LRRC4C: variants seen among roughly 807,000 people sequenced by gnomAD.
LRRC4C encodes the protein leucine-rich repeat-containing protein 4C.
A neutral mutation model predicts 33.6 loss-of-function variants in LRRC4C; 5 were observed. That is an observed-to-expected ratio of 0.15 (90% CI 0.08 to 0.31). LRRC4C has a LOEUF of 0.31. Among genes scored for constraint, LRRC4C ranks in the 10% least tolerant of loss-of-function variants. The pLI is 1.00. For synonymous variants in LRRC4C, 329 were observed against 302.0 expected (o/e 1.09, Z -0.93); for missense variants, 560 against 796.7 (o/e 0.70, Z 3.58).
At chr11:40,219,323 G>C (rs1864231179) in intron 5 of LRRC4C, among the ~76,000 whole-genome samples, 1 of 152,164 alleles carries the variant, frequency 6.6e-6, no homozygotes, top group Non-Finnish European at 1.5e-5. Flanking sequence ...GGACAGTGCT[G>C]TTCTTGACAC....
chr11:41,068,613 T>C, intron 1 of LRRC4C, among the ~76,000 whole-genome samples: 1 of 151,778 alleles, frequency 6.6e-6, no homozygotes, highest in South Asian at 2.1e-4. Context: ...AACTAGAAAA[T>C]CTAAAAGAAA....
intron 1 of LRRC4C, among the ~76,000 whole-genome samples, chr11:41,062,295 C>T (rs190246908): frequency 9.6e-4 from 146 of 152,248 alleles, no homozygotes; most frequent in African/African-American, 3.4e-3. Context: ...CACCTATATG[C>T]AACCATGCAT....
chr11:41,374,664 T>C (rs573187572), intron 1 of LRRC4C, among the ~76,000 whole-genome samples: 5 of 152,216 alleles, frequency 3.3e-5, no homozygotes, highest in Admixed American at 1.3e-4. Flanking sequence ...GTAAAATACC[T>C]TAAGGAGATA....
intron 3 of LRRC4C, among the ~76,000 whole-genome samples, chr11:40,641,910 G>T (rs1405499678): frequency 6.6e-6 from 1 of 152,094 alleles, no homozygotes; most frequent in Non-Finnish European, 1.5e-5. Context: ...CAGTTTCATA[G>T]ACTTTATCAT....
At chr11:41,296,145 A>T (rs1380808234) in intron 1 of LRRC4C, among the ~76,000 whole-genome samples, 7 of 152,326 alleles carry the variant, frequency 4.6e-5, no homozygotes, top group Non-Finnish European at 1.0e-4. Context: ...AAGATTTTTT[A>T]AAAATTGTGA....
intron 3 of LRRC4C, among the ~76,000 whole-genome samples, chr11:40,557,283 G>T (rs17487242): frequency 0.092 from 14,002 of 152,006 alleles, 781 homozygotes; most frequent in Middle Eastern, 0.15. Flanking sequence ...AAGTAGATCT[G>T]GTTATGAACC....
intron 4 of LRRC4C, among the ~76,000 whole-genome samples, chr11:40,270,789 C>T (rs895470445): frequency 5.3e-5 from 8 of 152,148 alleles, no homozygotes; most frequent in African/African-American, 1.7e-4. Flanking sequence ...AAAACTTCTG[C>T]TACCACAGCA....
intron 1 of LRRC4C, among the ~76,000 whole-genome samples, chr11:41,011,156 T>A (rs1289569239): frequency 6.6e-6 from 1 of 152,182 alleles, no homozygotes; most frequent in Non-Finnish European, 1.5e-5. Flanking sequence ...GTAAACTATA[T>A]AACATGATAT....
intron 3 of LRRC4C, among the ~76,000 whole-genome samples, chr11:40,561,376 C>T (rs1005218826): frequency 1.4e-5 from 2 of 147,626 alleles, no homozygotes; most frequent in African/African-American, 2.5e-5. Flanking sequence ...TGCTCACTAG[C>T]GGATCATCTT....
intron 2 of LRRC4C, among the ~76,000 whole-genome samples, chr11:40,705,995 A>G (rs765000460): frequency 1.4e-4 from 21 of 152,112 alleles, no homozygotes; most frequent in Non-Finnish European, 2.9e-4. Context: ...TTGGCTGCAT[A>G]AATGTCTTAT....
chr11:41,305,095 A>G (rs1275633137), intron 1 of LRRC4C, among the ~76,000 whole-genome samples: 2 of 13,112 alleles, frequency 1.5e-4, no homozygotes, highest in African/African-American at 5.6e-4. Flanking sequence ...TCCGGGAGGG[A>G]GGTGGGGGGG....
intron 3 of LRRC4C, among the ~76,000 whole-genome samples, chr11:40,582,653 A>C (rs1053842901): frequency 6.6e-6 from 1 of 151,242 alleles, no homozygotes; most frequent in Non-Finnish European, 1.5e-5. Context: ...AGGAGCTGGG[A>C]TTACAGGTAC....
intron 1 of LRRC4C, among the ~76,000 whole-genome samples, chr11:41,147,924 A>G (rs1379349509): frequency 1.3e-5 from 2 of 152,144 alleles, no homozygotes; most frequent in African/African-American, 4.8e-5. Context: ...CCCTGTCTTT[A>G]GAAAAATAAA....
intron 1 of LRRC4C, among the ~76,000 whole-genome samples, chr11:41,029,861 A>G (rs1856604709): frequency 6.6e-6 from 1 of 151,868 alleles, no homozygotes; most frequent in South Asian, 2.1e-4. Context: ...GTAAGTGTGG[A>G]AAAGATGGTC....
intron 2 of LRRC4C, among the ~76,000 whole-genome samples, chr11:40,902,667 C>T (rs1359266378): frequency 6.6e-6 from 1 of 152,084 alleles, no homozygotes; most frequent in African/African-American, 2.4e-5. Flanking sequence ...ACCATGAATG[C>T]TAATAAAATG....
intron 2 of LRRC4C, among the ~76,000 whole-genome samples, chr11:40,752,809 T>C (rs1948758585): frequency 6.6e-6 from 1 of 152,080 alleles, no homozygotes; most frequent in Admixed American, 6.6e-5. Flanking sequence ...TGTTAAAGAA[T>C]ACCTGCACTT....
chr11:41,054,118 T>A (rs988957337), intron 1 of LRRC4C, among the ~76,000 whole-genome samples: 5 of 152,212 alleles, frequency 3.3e-5, no homozygotes, highest in Non-Finnish European at 5.9e-5. Flanking sequence ...TAAATCAAAC[T>A]GTGTCTTATG....
chr11:40,681,198 A>G (rs1237522431), intron 2 of LRRC4C, among the ~76,000 whole-genome samples: 1 of 152,226 alleles, frequency 6.6e-6, no homozygotes, highest in Non-Finnish European at 1.5e-5. Context: ...GCACTGATGA[A>G]CCAAAATAGA....
At chr11:40,449,105 T>A (rs538420127) in intron 3 of LRRC4C, among the ~76,000 whole-genome samples, 2 of 152,302 alleles carry the variant, frequency 1.3e-5, no homozygotes, top group South Asian at 4.1e-4. Context: ...TGGTTTTTTT[T>A]CTTGTAAATT....
Sources: gnomAD v4.1 joint callset for allele counts (sites outside exome capture counted in the v4.1 genomes callset) on GRCh38, gnomAD v4.1.1 for gene constraint, MANE v1.5 for transcripts, NCBI Gene and HGNC (gene_info 2026-07-23, HGNC 2026-07-21) for gene names.